The following MTHFD2L variants were observed in gnomAD, a reference collection of about 807,000 sequenced individuals.
MTHFD2L encodes the protein bifunctional methylenetetrahydrofolate dehydrogenase/cyclohydrolase 2, mitochondrial.
In MTHFD2L, 29 loss-of-function variants were observed where a neutral mutation model predicts 34.9. The observed-to-expected ratio is 0.83, with a 90% CI of 0.62 to 1.13. MTHFD2L has a LOEUF of 1.13. Ranked by LOEUF, MTHFD2L falls within the 50% of genes most tolerant of loss-of-function variation. MTHFD2L has a pLI of 0.00. For synonymous variants in MTHFD2L, 167 were observed against 155.7 expected, an observed-to-expected ratio of 1.07 and a Z score of -0.54; for missense variants, 481 against 446.5, an observed-to-expected ratio of 1.08 and a Z score of -0.70.
In MTHFD2L at chr4:74,199,773, C is replaced by T. The variant is rs139091207; in HGVS notation, c.452-21C>T. The T allele has an allele frequency of 2.7e-4, 425 of 1,572,958 alleles. 1 individual carries two copies. The African/African-American group carries it at 5.2e-3, about 19-fold the overall frequency. On this transcript the variant is annotated intron_variant, in intron 3 of 7. Transcript: ENST00000325278. ...AATAAATAACAATTTTAAAATTAGA[C>T]AAATTTTATTTATTTTTCAGACCAC...
At chr4:74,217,034 T>C (rs1361491770) in intron 5 of MTHFD2L, among the ~76,000 whole-genome samples, 1 of 151,808 alleles carries the variant, frequency 6.6e-6, no homozygotes, top group Non-Finnish European at 1.5e-5. Context: ...TTATATGATC[T>C]GTCCCTGGGC....
At chr4:74,227,224 C>T (rs556815978) in intron 6 of MTHFD2L, among the ~76,000 whole-genome samples, 14 of 152,262 alleles carry the variant, frequency 9.2e-5, no homozygotes, top group African/African-American at 1.2e-4. Flanking sequence ...CCTCCTGCAT[C>T]GATAGCTTTT....
intron 6 of MTHFD2L, chr4:74,267,323 C>G: frequency 1.3e-6 from 1 of 756,862 alleles, no homozygotes; most frequent in African/African-American, 1.9e-5. Context: ...CTTTCTCTTT[C>G]TCTCTTTCTT....
At chr4:74,159,008 A>G (rs1026219807) in intron 1 of MTHFD2L, among the ~76,000 whole-genome samples, 1 of 152,216 alleles carries the variant, frequency 6.6e-6, no homozygotes, top group African/African-American at 2.4e-5. Flanking sequence ...TCAGACTTTC[A>G]GGGCTTCCAG....
chr4:74,184,525 A>T (rs1377285644), intron 3 of MTHFD2L, among the ~76,000 whole-genome samples: 1 of 152,210 alleles, frequency 6.6e-6, no homozygotes, highest in East Asian at 1.9e-4. Flanking sequence ...TACATGAACC[A>T]AAAGCTAATA....
At chr4:74,116,861 G>T (rs181014317) in intron 2 of MTHFD2L, among the ~76,000 whole-genome samples, 7 of 152,268 alleles carry the variant, frequency 4.6e-5, no homozygotes, top group African/African-American at 1.4e-4. Context: ...TATAGATACC[G>T]TTCTATCTTT....
intron 6 of MTHFD2L, among the ~76,000 whole-genome samples, chr4:74,269,237 G>GGATTTA (rs1745665840): frequency 6.6e-6 from 1 of 152,052 alleles, no homozygotes; most frequent in Admixed American, 6.6e-5. Flanking sequence ...CCAGAAATAA[G>GGATTTA]TTGATAAAAG....
Position 74,201,220 on chromosome 4 carries a change from C to G in MTHFD2L, c.605-43C>G, listed in dbSNP as rs376368939. On this transcript the variant is annotated intron_variant, in intron 4 of 7. Transcript: ENST00000325278. Reference sequence around the variant, plus strand: ...GGCTGTACAAATGTTTAATTTACTTCTTGTTGTCAATTCTGCATTTAAACC... The same window carrying G: ...GGCTGTACAAATGTTTAATTTACTTGTTGTTGTCAATTCTGCATTTAAACC... 78 of 1,456,558 alleles carry G rather than the reference C, an allele frequency of 5.4e-5. No homozygotes were observed. In the African/African-American group the frequency reaches 9.6e-4, roughly 18 times the overall value. 90.2% of individuals were successfully genotyped at this position (1,456,558 alleles called of 1,614,324 possible).
chr4:74,172,853 T>C (rs1728294358), intron 1 of MTHFD2L, among the ~76,000 whole-genome samples: 1 of 152,206 alleles, frequency 6.6e-6, no homozygotes, highest in Admixed American at 6.5e-5. Context: ...TGGTGTATTT[T>C]CGATCAAGTT....
intron 6 of MTHFD2L, among the ~76,000 whole-genome samples, chr4:74,248,155 A>G (rs986569845): frequency 5.9e-5 from 9 of 151,606 alleles, no homozygotes; most frequent in Non-Finnish European, 1.3e-4. Context: ...CCACAATTTC[A>G]GAGCCTGTTA....
chr4:74,173,985 A>C (rs1430918916), intron 1 of MTHFD2L, among the ~76,000 whole-genome samples: 3 of 152,184 alleles, frequency 2.0e-5, no homozygotes, highest in Non-Finnish European at 4.4e-5. Context: ...ATACAAAAAC[A>C]AATGAATTTC....
chr4:74,124,269 T>C (rs1721921383), upstream of MTHFD2L, among the ~76,000 whole-genome samples: 1 of 151,616 alleles, frequency 6.6e-6, no homozygotes, highest in African/African-American at 2.4e-5. Flanking sequence ...TTATCAGCAT[T>C]AAAAGTTTTT....
intron 6 of MTHFD2L, among the ~76,000 whole-genome samples, chr4:74,276,167 A>G (rs988716534): frequency 2.6e-5 from 4 of 152,150 alleles, no homozygotes; most frequent in Non-Finnish European, 5.9e-5. Flanking sequence ...AAAACATTCT[A>G]CAGAATCAGC....
rs564623816 is a variant in MTHFD2L, at chr4:74,185,337, G to C, written c.451+9934G>C. On this transcript the variant is annotated intron_variant, in intron 3 of 7. Transcript: ENST00000325278. ...GGGATTCTATTAAAGCAGTACTTAA[G>C]GGAAATACACAGCACTAAACACATA... Among the ~76,000 whole-genome samples, 29 of 151,658 alleles carry C rather than the reference G, an allele frequency of 1.9e-4. 1 individual carries two copies. Among genetic ancestry groups the C allele is most frequent in the Admixed American group, 1.9e-3 (29 of 15,200 alleles).
At chr4:74,299,472 G>A (rs377022160) in intron 7 of MTHFD2L, among the ~76,000 whole-genome samples, 3 of 151,908 alleles carry the variant, frequency 2.0e-5, no homozygotes, top group East Asian at 3.9e-4. Context: ...AGTTTTAAAC[G>A]CATTGCTTCT....
intron 6 of MTHFD2L, among the ~76,000 whole-genome samples, chr4:74,234,041 C>G (rs1194323142): frequency 6.6e-6 from 1 of 152,006 alleles, no homozygotes; most frequent in Non-Finnish European, 1.5e-5. Flanking sequence ...TCTTTCTTCA[C>G]TGTGGAGAAT....
chr4:74,157,588 C>T (rs1390056761), upstream of MTHFD2L: 1 of 441,380 alleles, frequency 2.3e-6, no homozygotes, highest in Non-Finnish European at 4.6e-6. Context: ...TATAGAAATC[C>T]TAAAGTCCAG....
At chr4:74,185,949 G>A (rs756152362) in intron 3 of MTHFD2L, among the ~76,000 whole-genome samples, 10 of 151,894 alleles carry the variant, frequency 6.6e-5, no homozygotes, top group Admixed American at 1.3e-4. Context: ...ATTATGAGTC[G>A]GTATCCTTCA....
intron 6 of MTHFD2L, among the ~76,000 whole-genome samples, chr4:74,248,979 T>C (rs1272923827): frequency 1.3e-5 from 2 of 152,124 alleles, no homozygotes; most frequent in Non-Finnish European, 2.9e-5. Flanking sequence ...TGGAGAGTTC[T>C]GTAGATGTGT....
Sources: gnomAD v4.1 joint callset for allele counts (sites outside exome capture counted in the v4.1 genomes callset) on GRCh38, gnomAD v4.1.1 for gene constraint, MANE v1.5 for transcripts, NCBI Gene and HGNC (gene_info 2026-07-23, HGNC 2026-07-21) for gene names.